OR51B5: variants seen among roughly 807,000 people sequenced by gnomAD.
OR51B5 encodes the protein olfactory receptor 51B5.
For missense variants in OR51B5, 456 were observed against 374.6 expected, an observed-to-expected ratio of 1.22 and a Z score of -1.79; for synonymous variants, 186 against 144.8, an observed-to-expected ratio of 1.28 and a Z score of -2.04.
chr11:5,421,294 T>G (rs527788694), intron 1 of OR51B5, among the ~76,000 whole-genome samples: 1 of 152,206 alleles, frequency 6.6e-6, no homozygotes, highest in Admixed American at 6.5e-5. Flanking sequence ...ACCTGCTCTC[T>G]GAGCTAAGCT....
intron 1 of OR51B5, chr11:5,456,152 G>A (rs1428795292): frequency 6.6e-6 from 1 of 152,162 alleles, no homozygotes; most frequent in Non-Finnish European, 1.5e-5. Context: ...TCCTACCTCA[G>A]AAGCAGCGAG....
At chr11:5,400,542 G>T (rs2133740028) in intron 1 of OR51B5, among the ~76,000 whole-genome samples, 1 of 152,110 alleles carries the variant, frequency 6.6e-6, no homozygotes, top group South Asian at 2.1e-4. Flanking sequence ...ACTTTCCAAG[G>T]AAAGCTTTTC....
At chr11:5,351,737 C>T (rs1849091477) in intron 1 of OR51B5, 1 of 1,613,810 alleles carries the variant, frequency 6.2e-7, no homozygotes, top group Admixed American at 1.7e-5. Context: ...ACCACAATGC[C>T]CACAGTGCTA....
chr11:5,482,069 C>G (rs1851431747), intron 1 of OR51B5, among the ~76,000 whole-genome samples: 2 of 120,216 alleles, frequency 1.7e-5, no homozygotes. Context: ...GCCAAAAGAA[C>G]AAAGCTGGAG....
chr11:5,403,214 C>G (rs1157012814), intron 1 of OR51B5: 1 of 471,300 alleles, frequency 2.1e-6, no homozygotes, highest in Non-Finnish European at 4.4e-6. Flanking sequence ...TCATTGTTAC[C>G]TCTACTTTTG....
intron 1 of OR51B5, among the ~76,000 whole-genome samples, chr11:5,374,115 G>A (rs192900044): frequency 7.2e-5 from 11 of 152,234 alleles, no homozygotes; most frequent in East Asian, 3.9e-4. Flanking sequence ...ACACGGCCAG[G>A]TACTCCTCTG....
chr11:5,362,906 T>G (rs1037224404), intron 1 of OR51B5: 5 of 168,598 alleles, frequency 3.0e-5, no homozygotes, highest in Non-Finnish European at 6.5e-5. Flanking sequence ...GTAAATTAAG[T>G]TTTCTTTCTA....
At chr11:5,477,987 C>G (rs1590019685) in intron 1 of OR51B5, among the ~76,000 whole-genome samples, 2 of 151,958 alleles carry the variant, frequency 1.3e-5, no homozygotes, top group East Asian at 3.9e-4. Context: ...AGCCGGGAAG[C>G]TCCAACTGGG....
rs576625627 is a variant in OR51B5 at position 5,497,157 on chromosome 11, C to A, written n.84+8412G>T. 2.3e-4 allele frequency among the ~76,000 whole-genome samples: 35 copies of A among 152,346 alleles called. 1 individual carries two copies. The highest frequency in any genetic ancestry group is 8.4e-4 in the African/African-American group (35 of 41,570). On this transcript the variant is annotated intron_variant and non_coding_transcript_variant, in intron 1 of 4. Transcript: ENST00000415970. The stretch of plus-strand genomic sequence containing the variant: ...GTTTCTCAGCTCATTGTAAATTACA[C>A]TTCACCTGGTAAATGCGTTGAGTAC...
At chr11:5,494,155 C>T (rs1405174423) in intron 1 of OR51B5, among the ~76,000 whole-genome samples, 1 of 152,180 alleles carries the variant, frequency 6.6e-6, no homozygotes, top group Non-Finnish European at 1.5e-5. Flanking sequence ...CCAGTGGAAT[C>T]AGATATCCAA....
intron 1 of OR51B5, among the ~76,000 whole-genome samples, chr11:5,387,124 C>T (rs926929020): frequency 3.9e-5 from 6 of 151,960 alleles, no homozygotes; most frequent in African/African-American, 1.4e-4. Context: ...TGTTCAAGGA[C>T]AGTAAACTGA....
At chr11:5,441,377 G>T in intron 1 of OR51B5, 1 of 1,613,926 alleles carries the variant, frequency 6.2e-7, no homozygotes, top group South Asian at 1.1e-5. Flanking sequence ...GAGTGAGAAT[G>T]CTGAGGTTAC....
intron 1 of OR51B5, among the ~76,000 whole-genome samples, chr11:5,359,624 A>C (rs1849250000): frequency 6.8e-6 from 1 of 147,970 alleles, no homozygotes; most frequent in African/African-American, 2.5e-5. Context: ...GACTTTCTTC[A>C]CAGAATTGGA....
In OR51B5 at chr11:5,488,891, T is replaced by G. The variant is rs533075391; in HGVS notation, n.84+16678A>C. The stretch of plus-strand genomic sequence containing the variant: ...ATGGACAATGCTCTTCATGCACCTA[T>G]GTACCTCTTCCTCTGCCTTCTCTCA... On this transcript the variant is annotated intron_variant and non_coding_transcript_variant, in intron 1 of 4. Transcript: ENST00000415970. The G allele has an allele frequency of 1.9e-6, 3 of 1,614,118 alleles. No individual in the cohort carries two copies. In the South Asian group the frequency reaches 3.3e-5, roughly 18 times the overall value.
chr11:5,430,944 A>C (rs1202066217), intron 1 of OR51B5: 1 of 456,918 alleles, frequency 2.2e-6, no homozygotes, highest in Non-Finnish European at 4.4e-6. Flanking sequence ...GAATCAAGAC[A>C]TAAGAGACCA....
In OR51B5 at chr11:5,455,568, A is replaced by AGAGAGAAAGAGAAAGAGAGAG. The variant is rs1554893752; in HGVS notation, n.84+50000_84+50001insCTCTCTCTTTCTCTTTCTCTC. On this transcript the variant is annotated intron_variant and non_coding_transcript_variant, in intron 1 of 4. Transcript: ENST00000415970. The stretch of plus-strand genomic sequence containing the variant: ...GATTGGGGGAGAAAGAAGGGGGGAG[A>AGAGAGAAAGAGAAAGAGAGAG]GAGAGAGAGAAAGAGAAAGAGAGAA... 5.9e-5 allele frequency: 8 copies of AGAGAGAAAGAGAAAGAGAGAG among 135,318 alleles called. No individual in the cohort carries two copies. The East Asian group carries it at 8.4e-4, about 14-fold the overall frequency. 8.4% of individuals were successfully genotyped at this position (135,318 alleles called of 1,614,324 possible).
intron 1 of OR51B5, among the ~76,000 whole-genome samples, chr11:5,383,303 G>A (rs1048597352): frequency 2.0e-5 from 3 of 152,180 alleles, no homozygotes; most frequent in Non-Finnish European, 4.4e-5. Context: ...CAAAGATATA[G>A]AGGCTGGCAG....
At chr11:5,366,043 G>A (rs369222214) in intron 1 of OR51B5, among the ~76,000 whole-genome samples, 31 of 147,534 alleles carry the variant, frequency 2.1e-4, no homozygotes, top group African/African-American at 7.4e-4. Flanking sequence ...GGAGCAGCCA[G>A]GTAATCAGCA....
chr11:5,422,813 G>T, intron 1 of OR51B5: 1 of 1,614,140 alleles, frequency 6.2e-7, no homozygotes, highest in Non-Finnish European at 8.5e-7. Context: ...ATTTGCTCTT[G>T]CCTTGCTCAT....
Sources: allele counts gnomAD v4.1 joint callset (sites outside exome capture counted in the v4.1 genomes callset), GRCh38; gene constraint gnomAD v4.1.1; transcripts MANE v1.5; gene names NCBI Gene and HGNC (gene_info 2026-07-23, HGNC 2026-07-21).